Variants in RPTOR observed in about 807,000 individuals in gnomAD.
RPTOR encodes the protein regulatory associated protein of MTOR complex 1, also known as regulatory-associated protein of mTOR.
RPTOR carries 21 observed loss-of-function variants against 169.9 expected under a neutral mutation model. The ratio of observed to expected loss-of-function variants is 0.12; its 90% CI spans 0.09 to 0.18. RPTOR has a LOEUF of 0.18. RPTOR is among the 10% of genes least tolerant of loss of function. RPTOR has a pLI of 1.00. For synonymous variants in RPTOR, 732 were observed against 753.2 expected, an observed-to-expected ratio of 0.97 and a Z score of 0.46; for missense variants, 1,133 against 1,855.9, an observed-to-expected ratio of 0.61 and a Z score of 7.16.
chr17:80,658,932 C>G (rs1262731355), intron 3 of RPTOR, among the ~76,000 whole-genome samples: 1 of 152,202 alleles, frequency 6.6e-6, no homozygotes, highest in Non-Finnish European at 1.5e-5. Flanking sequence ...GCCCTCCTTA[C>G]ATCAACATCT....
chr17:80,904,244 G>A (rs569933838), intron 20 of RPTOR, among the ~76,000 whole-genome samples: 1 of 152,210 alleles, frequency 6.6e-6, no homozygotes, highest in Admixed American at 6.5e-5. Flanking sequence ...CAGGAAAGGG[G>A]CCGCTGCGGA....
At chr17:80,839,137 CTGCGTGCG>C (rs1181808889) in intron 10 of RPTOR, among the ~76,000 whole-genome samples, 1 of 152,190 alleles carries the variant, frequency 6.6e-6, no homozygotes, top group Admixed American at 6.5e-5. Context: ...CTGGGTGTGC[CTGCGTGCG>C]TGCGTGTGTA....
chr17:80,693,826 G>C (rs1429912663), intron 3 of RPTOR, among the ~76,000 whole-genome samples: 1 of 152,228 alleles, frequency 6.6e-6, no homozygotes, highest in Admixed American at 6.5e-5. Flanking sequence ...ACAGACTGTG[G>C]ATCAGGTGGG....
chr17:80,716,418 T>TC (rs1248922433), intron 4 of RPTOR, among the ~76,000 whole-genome samples: 1 of 152,082 alleles, frequency 6.6e-6, no homozygotes, highest in Admixed American at 6.5e-5. Context: ...TTGATGGGAT[T>TC]TTTTTTTCTT....
chr17:80,732,279 A>G (rs904912233), intron 5 of RPTOR, among the ~76,000 whole-genome samples: 1 of 152,208 alleles, frequency 6.6e-6, no homozygotes, highest in African/African-American at 2.4e-5. Flanking sequence ...AGACCAATAC[A>G]TCAGCCTCAG....
chr17:80,717,928 G>A lies in RPTOR; in HGVS notation c.507+9929G>A, dbSNP rs80207828. On this transcript the variant is annotated intron_variant, in intron 4 of 33. Coordinates refer to ENST00000306801, the MANE Select transcript of RPTOR (RefSeq NM_020761.3). ...GAATTCACGTAGCGGAACGTTTATC[G>A]GGAGAAGGATTAATCCACTACTCGA... Among the ~76,000 whole-genome samples, 743 of 152,264 alleles carry A rather than the reference G, an allele frequency of 4.9e-3. 6 individuals carry two copies. The highest frequency in any genetic ancestry group is 0.015 in the African/African-American group (637 of 41,548).
In RPTOR at chr17:80,947,158, A is replaced by T; in HGVS notation, c.3141-69A>T. On this transcript the variant is annotated intron_variant, in intron 26 of 33. Transcript: ENST00000306801. This position sits in a 1 kb window ranked among gnomAD's most constrained non-coding sequence, Gnocchi z 4.4. ...TGATAGCAGCCCGGTGGGTTTCAGG[A>T]GGTATCTCACTGTCATTTGGGTTTG... 1.4e-6 allele frequency: 2 copies of T among 1,435,110 alleles called. No homozygotes were observed. Among genetic ancestry groups the T allele is most frequent in the Non-Finnish European group, 1.8e-6 (2 of 1,081,932 alleles). 88.9% of individuals were successfully genotyped at this position (1,435,110 alleles called of 1,614,324 possible).
At chr17:80,594,919 G>A (rs779023787) in intron 1 of RPTOR, among the ~76,000 whole-genome samples, 3 of 152,134 alleles carry the variant, frequency 2.0e-5, no homozygotes, top group Admixed American at 6.5e-5. Flanking sequence ...ATATTTCAGA[G>A]GTTAGAGACA....
chr17:80,545,789 C>A lies in RPTOR; in HGVS notation c.160C>A (p.Arg54=). 1 of 1,606,154 alleles carries A rather than the reference C, an allele frequency of 6.2e-7. No homozygotes were observed. The highest frequency in any genetic ancestry group is 8.5e-7 in the Non-Finnish European group (1 of 1,176,030). The change falls in exon 1 of 34, where the codon CGG becomes AGG. Residue 54 remains arginine, a splice_region_variant and synonymous_variant. Coordinates refer to ENST00000306801, the MANE Select transcript of RPTOR (RefSeq NM_020761.3). ...SLAQSWRMKD[R]MKTVSVALVL... is the part of the protein sequence containing the mutation. Reference sequence around the variant, plus strand: ...AGCTCAGAGCTGGAGGATGAAGGATCGGGTAAGTGGATTCTGAAGGCACCC... The same window carrying A: ...AGCTCAGAGCTGGAGGATGAAGGATAGGGTAAGTGGATTCTGAAGGCACCC...
Position 80,708,975 on chromosome 17 carries a change from T to G in RPTOR, c.507+976T>G, listed in dbSNP as rs1439311219. On this transcript the variant is annotated intron_variant, in intron 4 of 33. Coordinates refer to ENST00000306801, the MANE Select transcript of RPTOR (RefSeq NM_020761.3). The surrounding 1 kb of genome is among the most constrained non-coding windows in gnomAD (Gnocchi z 4.2). ...GACTCCGTTTCTTCACACACTGAAC[T>G]CTCGGTTCCCGCCTACCGTCCCGGG... 2.0e-6 allele frequency: 2 copies of G among 985,752 alleles called. No homozygotes were observed. Among genetic ancestry groups the G allele is most frequent in the East Asian group, 1.1e-4 (1 of 8,788 alleles). The allele number at this position is 985,752 out of a possible 1,614,324, so 61.1% of individuals were successfully genotyped here.
intron 6 of RPTOR, among the ~76,000 whole-genome samples, chr17:80,788,690 C>T (rs909318533): frequency 1.3e-5 from 2 of 152,076 alleles, no homozygotes; most frequent in Admixed American, 1.3e-4. Flanking sequence ...TGTTCTTCCT[C>T]TGTATATCAT....
intron 5 of RPTOR, chr17:80,743,402 G>A (rs962395394): frequency 2.0e-6 from 2 of 985,516 alleles, no homozygotes; most frequent in Non-Finnish European, 2.4e-6. Flanking sequence ...GCCGTAGAAC[G>A]TAAGAAGTTG....
At chr17:80,558,113 A>C (rs1278665821) in intron 1 of RPTOR, among the ~76,000 whole-genome samples, 4 of 151,968 alleles carry the variant, frequency 2.6e-5, no homozygotes, top group South Asian at 4.2e-4. Flanking sequence ...CAGACTGGGC[A>C]ATGTGGTGAA....
At chr17:80,930,726 G>A (rs2068887553) in intron 24 of RPTOR, among the ~76,000 whole-genome samples, 1 of 152,272 alleles carries the variant, frequency 6.6e-6, no homozygotes, top group Admixed American at 6.5e-5. Context: ...CACACTTGGT[G>A]GGTGGAAGTG....
chr17:80,781,498 C>T (rs1567908429), intron 6 of RPTOR, among the ~76,000 whole-genome samples: 1 of 152,102 alleles, frequency 6.6e-6, no homozygotes, highest in African/African-American at 2.4e-5. Flanking sequence ...AAGAATTTCC[C>T]AAGTCTAAAA....
intron 1 of RPTOR, among the ~76,000 whole-genome samples, chr17:80,557,445 A>T (rs1240892700): frequency 6.6e-6 from 1 of 151,766 alleles, no homozygotes; most frequent in Non-Finnish European, 1.5e-5. Context: ...TGAACCCGGG[A>T]GGTGGAGGTT....
intron 4 of RPTOR, among the ~76,000 whole-genome samples, chr17:80,710,962 A>T (rs2066185041): frequency 6.6e-6 from 1 of 152,200 alleles, no homozygotes; most frequent in Admixed American, 6.5e-5. Flanking sequence ...TGTGGAACTT[A>T]CAAAGAAAGC....
At chr17:80,884,941 T>A (rs1341425353) in intron 16 of RPTOR, 67 bp from the exon 17 acceptor site, 89 of 1,548,776 alleles carry the variant, frequency 5.7e-5, no homozygotes, top group Non-Finnish European at 7.8e-5. Flanking sequence ...CACACAGCCC[T>A]GGCAGAAAGG....
intron 1 of RPTOR, among the ~76,000 whole-genome samples, chr17:80,612,159 T>A (rs892543701): frequency 6.6e-6 from 1 of 152,244 alleles, no homozygotes; most frequent in African/African-American, 2.4e-5. Context: ...GGAAGTGTTC[T>A]CACTCTTTCA....
Sources: allele counts gnomAD v4.1 joint callset (sites outside exome capture counted in the v4.1 genomes callset), GRCh38; gene constraint gnomAD v4.1.1; non-coding constraint Gnocchi (gnomAD v3.1); transcripts MANE v1.5; gene names NCBI Gene and HGNC (gene_info 2026-07-23, HGNC 2026-07-21).